HAPLN3: variants seen among roughly 807,000 people sequenced by gnomAD.
The protein encoded by HAPLN3 is extracellular link domain containing, 1.
Under a neutral mutation model 28.1 loss-of-function variants are expected in HAPLN3, and 28 were observed. The observed-to-expected ratio is 1.00, with a 90% CI of 0.74 to 1.37. The LOEUF (loss-of-function observed/expected upper bound fraction) is 1.37. Ranked by LOEUF, HAPLN3 falls within the 40% of genes most tolerant of loss-of-function variation. HAPLN3 has a pLI of 0.00. For synonymous variants in HAPLN3, 211 were observed against 213.1 expected (o/e 0.99, Z 0.09); for missense variants, 513 against 504.6 (o/e 1.02, Z -0.16).
chr15:88,883,159 C>T (rs890466805), intron 2 of HAPLN3, among the ~76,000 whole-genome samples: 1 of 152,258 alleles, frequency 6.6e-6, no homozygotes. Context: ...ATGCAGAAGT[C>T]TCCAAGTGTG....
chr15:88,892,779 G>A (rs1009635620), intron 1 of HAPLN3, among the ~76,000 whole-genome samples: 3 of 152,152 alleles, frequency 2.0e-5, no homozygotes, highest in African/African-American at 7.2e-5. Context: ...TCCTGTGTGG[G>A]AGTCAGGAGT....
chr15:88,893,356 T>C (rs1282848031), intron 1 of HAPLN3, among the ~76,000 whole-genome samples: 2 of 151,050 alleles, frequency 1.3e-5, no homozygotes, highest in African/African-American at 4.9e-5. Context: ...AGGCGGAAGT[T>C]GCAGTGAGCC....
At chr15:88,894,610 C>T (rs1056623022) in intron 1 of HAPLN3, among the ~76,000 whole-genome samples, 1 of 152,172 alleles carries the variant, frequency 6.6e-6, no homozygotes, top group Non-Finnish European at 1.5e-5. Flanking sequence ...CGGGCGGCGT[C>T]GAGGGAGAGA....
Position 88,881,591 on chromosome 15 carries a change from T to C in HAPLN3, c.259A>G (p.Lys87Glu). Residue 87 changes from lysine to glutamate, a missense_variant, in exon 3 of 5, where the codon AAA becomes GAA. By Grantham distance (56) the Lys-to-Glu change is moderately conservative (BLOSUM62 1). Transcript: ENST00000359595. This position sits in a 1 kb window ranked among gnomAD's most constrained non-coding sequence, Gnocchi z 6.0. ...CCGTTCTCCGACAGCTTCCACCATT[T>C]GACACGCACACGCCGCGGGGAGACC... ...ALVSPRRVRV[K>E]WWKLSENGAP... 1 of 1,614,002 alleles carries C rather than the reference T, an allele frequency of 6.2e-7. No homozygotes were observed. Among genetic ancestry groups the C allele is most frequent in the South Asian group, 1.1e-5 (1 of 91,040 alleles).
At chr15:88,890,087 C>T (rs1897972942) in intron 1 of HAPLN3, among the ~76,000 whole-genome samples, 1 of 152,094 alleles carries the variant, frequency 6.6e-6, no homozygotes, top group Non-Finnish European at 1.5e-5. Context: ...CAGGCAGACA[C>T]ACACAGCATT....
chr15:88,878,957 T>G lies in HAPLN3; in HGVS notation c.796+10A>C. 1.3e-5 allele frequency: 21 copies of G among 1,601,570 alleles called. No homozygotes were observed. Among genetic ancestry groups the G allele is most frequent in the Non-Finnish European group, 1.8e-5 (21 of 1,174,566 alleles). ...AAACCCACAGGCCCGCGCTTGGCTATTCCACTCACCCTTGAGGGCAGTAGC... is the reference window on the plus strand; with the variant it reads ...AAACCCACAGGCCCGCGCTTGGCTAGTCCACTCACCCTTGAGGGCAGTAGC... On this transcript the variant is annotated intron_variant, in intron 4 of 4. Transcript: ENST00000359595.
At position 88,881,473 on chromosome 15, in the gene HAPLN3, T is replaced by C. The variant is rs145526292; in HGVS notation, c.377A>G (p.Glu126Gly). The C allele has an allele frequency of 9.6e-5, 155 of 1,613,934 alleles. No individual in the cohort carries two copies. The highest frequency in any genetic ancestry group is 1.3e-4 in the Non-Finnish European group (149 of 1,180,016). Reference sequence around the variant, plus strand: ...CTGGATCTCCAGCGAGACGTCATGCTCTTTGTCCTGCCGCAGGTGCACGCG... The same window carrying C: ...CTGGATCTCCAGCGAGACGTCATGCCCTTTGTCCTGCCGCAGGTGCACGCG... ...QGRVHLRQDK[E>G]HDVSLEIQDL... The change falls in exon 3 of 5, where the codon GAG (glutamate) becomes GGG (glycine). Residue 126 changes from glutamate to glycine, a missense_variant. By Grantham distance (98) the Glu-to-Gly change is moderately conservative. Coordinates refer to ENST00000359595, the MANE Select transcript of HAPLN3 (RefSeq NM_178232.4). This position sits in a 1 kb window ranked among gnomAD's most constrained non-coding sequence, Gnocchi z 6.0.
At chr15:88,883,775 T>C (rs1423569423) in intron 2 of HAPLN3, among the ~76,000 whole-genome samples, 1 of 152,234 alleles carries the variant, frequency 6.6e-6, no homozygotes, top group Non-Finnish European at 1.5e-5. Context: ...GAAAGTTTTC[T>C]AAATCATAAA....
Position 88,877,608 on chromosome 15 carries a change from C to A in HAPLN3, c.*362G>T, listed in dbSNP as rs1897561336. 2.6e-5 allele frequency: 5 copies of A among 190,936 alleles called. No individual in the cohort carries two copies. In the South Asian group the frequency reaches 6.0e-4, roughly 23 times the overall value. 11.8% of individuals were successfully genotyped at this position (190,936 alleles called of 1,614,324 possible). A position where few individuals can be genotyped will look rare whatever the true frequency, so the allele number is the denominator to read the frequency against. ...CCTCTTCTTCCCCCAGGCTGAGGGG[C>A]AGGGAGAACTGTGCCCACCATGCCC... On this transcript the variant is annotated 3_prime_UTR_variant, in exon 5 of 5. Coordinates refer to ENST00000359595, the MANE Select transcript of HAPLN3 (RefSeq NM_178232.4). The surrounding 1 kb of genome is among the most constrained non-coding windows in gnomAD (Gnocchi z 5.1).
rs1444711159 is a variant in HAPLN3, at chr15:88,878,050, G to A, written c.1003C>T (p.Pro335Ser). The change falls in exon 5 of 5, where the codon CCA becomes TCA. Residue 335 changes from proline to serine, a missense_variant. Pro to Ser is a moderately conservative substitution (Grantham distance 74, BLOSUM62 -1). Coordinates refer to ENST00000359595, the MANE Select transcript of HAPLN3 (RefSeq NM_178232.4). ...VVHPHPNCGP[P>S]EPGVRSFGFP... ...CCAAAGCTTCGGACCCCAGGCTCTG[G>A]GGGCCCACAGTTAGGATGCGGGTGA... 6.2e-7 allele frequency: 1 copy of A among 1,613,970 alleles called. No homozygotes were observed. The highest frequency in any genetic ancestry group is 1.3e-5 in the African/African-American group (1 of 74,930).
In HAPLN3 at chr15:88,881,854, C is replaced by A. The variant is rs79533929; in HGVS notation, c.125-129G>T. The A allele has an allele frequency of 0.012, 9,855 of 855,650 alleles. 703 individuals carry two copies. In the African/African-American group the frequency reaches 0.15, roughly 13 times the overall value. 53.0% of individuals were successfully genotyped at this position (855,650 alleles called of 1,614,324 possible). ...CAAAAATGGCCACCATGCTCCACCC[C>A]TCCCTGTATCCACATGCTCTGCAAT... On this transcript the variant is annotated intron_variant, in intron 2 of 4. Transcript: ENST00000359595. This position sits in a 1 kb window ranked among gnomAD's most constrained non-coding sequence, Gnocchi z 6.0.
Position 88,881,262 on chromosome 15 carries a change from T to C in HAPLN3, c.493+95A>G. On this transcript the variant is annotated intron_variant, in intron 3 of 4. Coordinates refer to ENST00000359595, the MANE Select transcript of HAPLN3 (RefSeq NM_178232.4). The surrounding 1 kb of genome is among the most constrained non-coding windows in gnomAD (Gnocchi z 6.0). ...GGTTGTTTTGAGAATTAAGTACTTT[T>C]AAATGTCTAAAGCACAGAGGTCTGG... 6.9e-7 allele frequency: 1 copy of C among 1,441,422 alleles called. No individual in the cohort carries two copies. Among genetic ancestry groups the C allele is most frequent in the Non-Finnish European group, 9.3e-7 (1 of 1,076,672 alleles). The allele number at this position is 1,441,422 out of a possible 1,614,324, so 89.3% of individuals were successfully genotyped here.
Position 88,887,339 on chromosome 15 carries a change from G to C in HAPLN3, c.-41C>G, listed in dbSNP as rs1480721534. 2 of 1,611,020 alleles carry C rather than the reference G, an allele frequency of 1.2e-6. No homozygotes were observed. Among genetic ancestry groups the C allele is most frequent in the Non-Finnish European group, 1.7e-6 (2 of 1,178,624 alleles). The stretch of plus-strand genomic sequence containing the variant: ...TGACCCGGGCCAGGCTGGGGCCCCA[G>C]GGCAAACTGGGAAGGGGAGGAAAAC... On this transcript the variant is annotated 5_prime_UTR_variant, in exon 2 of 5. Transcript: ENST00000359595.
rs1192069301 is a variant in HAPLN3 at position 88,879,977 on chromosome 15, T to TA, written c.494-709dup. On this transcript the variant is annotated intron_variant, in intron 3 of 4. Coordinates refer to ENST00000359595, the MANE Select transcript of HAPLN3 (RefSeq NM_178232.4). The surrounding 1 kb of genome is among the most constrained non-coding windows in gnomAD (Gnocchi z 5.0). Reference sequence around the variant, plus strand: ...AAACCTTAGGGAGTGGAGGTGACCCTAGGGGTCTGGGAAGGACACTTTGGA... The same window carrying TA: ...AAACCTTAGGGAGTGGAGGTGACCCTAAGGGGTCTGGGAAGGACACTTTGGA... The TA allele has an allele frequency of 1.0e-6, 1 of 999,924 alleles. No homozygotes were observed. Among genetic ancestry groups the TA allele is most frequent in the Non-Finnish European group, 1.2e-6 (1 of 838,678 alleles). 61.9% of individuals were successfully genotyped at this position (999,924 alleles called of 1,614,324 possible). A position where few individuals can be genotyped will look rare whatever the true frequency, so the allele number is the denominator to read the frequency against.
Position 88,878,081 on chromosome 15 carries a change from A to G in HAPLN3, c.972T>C (p.Pro324=). 4 of 1,614,014 alleles carry G rather than the reference A, an allele frequency of 2.5e-6. No homozygotes were observed. The highest frequency in any genetic ancestry group is 2.5e-6 in the Non-Finnish European group (3 of 1,179,992). Residue 324 remains proline, a synonymous_variant, in exon 5 of 5, where the codon CCT becomes CCC. Transcript: ENST00000359595. ...GWLADGSVRY[P]VVHPHPNCGP... ...CACAGTTAGGATGCGGGTGAACCACAGGGTAGCGGACGCTACCATCTGCCA... is the reference window on the plus strand; with the variant it reads ...CACAGTTAGGATGCGGGTGAACCACGGGGTAGCGGACGCTACCATCTGCCA...
Position 88,881,776 on chromosome 15 carries a change from C to A in HAPLN3, c.125-51G>T. On this transcript the variant is annotated intron_variant, in intron 2 of 4. Coordinates refer to ENST00000359595, the MANE Select transcript of HAPLN3 (RefSeq NM_178232.4). This position sits in a 1 kb window ranked among gnomAD's most constrained non-coding sequence, Gnocchi z 6.0. ...GAGACCTGCTGAAGCACATCTGTAC[C>A]CCTGCAAGGGCCACCGCACACCCTC... The A allele has an allele frequency of 1.3e-6, 2 of 1,555,304 alleles. No individual in the cohort carries two copies. The highest frequency in any genetic ancestry group is 1.7e-6 in the Non-Finnish European group (2 of 1,148,564).
In HAPLN3 at chr15:88,881,441, G is replaced by T; in HGVS notation, c.409C>A (p.Arg137=). The T allele has an allele frequency of 6.2e-7, 1 of 1,613,962 alleles. No homozygotes were observed. The highest frequency in any genetic ancestry group is 8.5e-7 in the Non-Finnish European group (1 of 1,180,022). The change falls in exon 3 of 5, where the codon CGG becomes AGG. Residue 137 remains arginine, a synonymous_variant. Coordinates refer to ENST00000359595, the MANE Select transcript of HAPLN3 (RefSeq NM_178232.4). This position sits in a 1 kb window ranked among gnomAD's most constrained non-coding sequence, Gnocchi z 6.0. The part of the protein sequence containing the change: ...HDVSLEIQDL[R]LEDYGRYRCE... ...CGGTAACGCCCATAGTCCTCCAGCC[G>T]CAGATCCTGGATCTCCAGCGAGACG... is the stretch of plus-strand genomic sequence containing the variant.
chr15:88,881,352 C>T lies in HAPLN3; in HGVS notation c.493+5G>A, dbSNP rs747137138. 2 of 1,607,262 alleles carry T rather than the reference C, an allele frequency of 1.2e-6. No individual in the cohort carries two copies. Among genetic ancestry groups the T allele is most frequent in the South Asian group, 2.2e-5 (2 of 90,110 alleles). Reference sequence around the variant, plus strand: ...AGTGTCACCCAGTCCCCGTTAGCATCTCACCCCGCAGCTCCAGCTCCACCA... The same window carrying T: ...AGTGTCACCCAGTCCCCGTTAGCATTTCACCCCGCAGCTCCAGCTCCACCA... On this transcript the variant is annotated splice_donor_5th_base_variant and intron_variant, in intron 3 of 4. Transcript: ENST00000359595. The surrounding 1 kb of genome is among the most constrained non-coding windows in gnomAD (Gnocchi z 6.0).
intron 1 of HAPLN3, among the ~76,000 whole-genome samples, chr15:88,893,662 T>C (rs1898074630): frequency 6.6e-6 from 1 of 151,942 alleles, no homozygotes; most frequent in Non-Finnish European, 1.5e-5. Context: ...GCACAGTGCC[T>C]CATGCCTGTT....
Sources: allele counts gnomAD v4.1 joint callset (sites outside exome capture counted in the v4.1 genomes callset), GRCh38; gene constraint gnomAD v4.1.1; non-coding constraint Gnocchi (gnomAD v3.1); transcripts MANE v1.5; gene names NCBI Gene and HGNC (gene_info 2026-07-23, HGNC 2026-07-21).